PCDHA1: variants seen among roughly 807,000 people sequenced by gnomAD.
PCDHA1 encodes protocadherin alpha 1.
PCDHA1 carries 42 observed loss-of-function variants against 61.3 expected under a neutral mutation model. The ratio of observed to expected loss-of-function variants is 0.69; its 90% CI spans 0.54 to 0.89. The LOEUF (loss-of-function observed/expected upper bound fraction) is 0.89. PCDHA1 is among the 40% of genes least tolerant of loss of function. The pLI is 0.00. For synonymous variants in PCDHA1, 610 were observed against 553.8 expected, an observed-to-expected ratio of 1.10 and a Z score of -1.43; for missense variants, 1,256 against 1,235.3, an observed-to-expected ratio of 1.02 and a Z score of -0.25.
At chr5:140,823,940 G>A in intron 1 of PCDHA1, 1 of 1,613,966 alleles carries the variant, frequency 6.2e-7, no homozygotes, top group South Asian at 1.1e-5. Flanking sequence ...GCGCTGCGGT[G>A]CTCGGCGCAG....
chr5:140,844,298 GT>G (rs141549111), intron 1 of PCDHA1, among the ~76,000 whole-genome samples: 3,056 of 149,412 alleles, frequency 0.02, 290 homozygotes, highest in Non-Finnish European at 0.031. Flanking sequence ...AAATTTGATA[GT>G]TTTCATATTC....
intron 1 of PCDHA1, among the ~76,000 whole-genome samples, chr5:140,904,545 C>A (rs2071206893): frequency 6.6e-6 from 1 of 151,876 alleles, no homozygotes; most frequent in Admixed American, 6.6e-5. Context: ...GTATCTTTTT[C>A]ATATAATGAC....
At chr5:140,863,278 G>A (rs1554158055) in intron 1 of PCDHA1, 3 of 1,461,976 alleles carry the variant, frequency 2.1e-6, no homozygotes, top group South Asian at 1.1e-5. Flanking sequence ...GCTGGTGGAT[G>A]TCAACGTGTA....
intron 1 of PCDHA1, chr5:140,825,625 T>C (rs1768653929): frequency 6.6e-6 from 1 of 151,914 alleles, no homozygotes; most frequent in Admixed American, 6.6e-5. Context: ...TTTCACCATG[T>C]TGGTCATGGT....
At position 140,841,172 on chromosome 5, in the gene PCDHA1, G is replaced by A. The variant is rs1479528874; in HGVS notation, c.2394+52488G>A. 5 of 1,035,814 alleles carry A rather than the reference G, an allele frequency of 4.8e-6. No homozygotes were observed. The African/African-American group carries it at 6.5e-5, about 13-fold the overall frequency. The allele number at this position is 1,035,814 out of a possible 1,614,324, so 64.2% of individuals were successfully genotyped here. A position where few individuals can be genotyped will look rare whatever the true frequency, so the allele number is the denominator to read the frequency against. On this transcript the variant is annotated intron_variant, in intron 1 of 3. Coordinates refer to ENST00000504120, the MANE Select transcript of PCDHA1 (RefSeq NM_018900.4). ...GCTGTCTACCAAGAAGTTCTGGTTG[G>A]TCAATGTTCAAAGTCTTTTCTCTGA...
intron 1 of PCDHA1, chr5:140,809,716 AT>A (rs1764530586): frequency 1.1e-6 from 1 of 933,822 alleles, no homozygotes; most frequent in Non-Finnish European, 1.6e-6. Context: ...GTCTTTTGGA[AT>A]TATAGGACAT....
chr5:140,829,850 G>A lies in PCDHA1; in HGVS notation c.2394+41166G>A, dbSNP rs2150176135. 3.1e-5 allele frequency: 50 copies of A among 1,613,836 alleles called. No homozygotes were observed. Among genetic ancestry groups the A allele is most frequent in the Non-Finnish European group, 4.2e-5 (50 of 1,179,896 alleles). The stretch of plus-strand genomic sequence containing the variant: ...CGAGCTGGTGCCGCGGTCACTGGGT[G>A]CAGGCCAAGTGGTGGCGAAGGTGCG... On this transcript the variant is annotated intron_variant, in intron 1 of 3. Transcript: ENST00000504120.
At chr5:140,973,449 C>CT (rs2096588066) in intron 1 of PCDHA1, among the ~76,000 whole-genome samples, 1 of 152,188 alleles carries the variant, frequency 6.6e-6, no homozygotes, top group African/African-American at 2.4e-5. Flanking sequence ...TTTATAATGA[C>CT]TGGGGCTGTT....
At chr5:140,927,378 C>T in intron 1 of PCDHA1, 3 of 1,614,110 alleles carry the variant, frequency 1.9e-6, no homozygotes, top group Non-Finnish European at 2.5e-6. Flanking sequence ...TAAGCTACAG[C>T]CTAAGCCCCA....
At chr5:140,981,049 T>C (rs2096916420) in intron 2 of PCDHA1, among the ~76,000 whole-genome samples, 1 of 152,158 alleles carries the variant, frequency 6.6e-6, no homozygotes. Context: ...AAACAGATAA[T>C]TCTAGAGTGT....
intron 3 of PCDHA1, among the ~76,000 whole-genome samples, chr5:141,007,668 G>C (rs556655396): frequency 6.6e-6 from 1 of 152,262 alleles, no homozygotes; most frequent in East Asian, 1.9e-4. Context: ...AATTTACAAA[G>C]ACAAAAGTTA....
At position 140,960,349 on chromosome 5, in the gene PCDHA1, A is replaced by T. The variant is rs936485666; in HGVS notation, c.2395-18600A>T. Among the ~76,000 whole-genome samples, 8 of 152,238 alleles carry T rather than the reference A, an allele frequency of 5.3e-5. No homozygotes were observed. The East Asian group carries it at 1.3e-3, about 26-fold the overall frequency. ...GAGAAGTACATGAGGTGAGATATGTACTGAAATAATATGCCAACTCTTAAG... is the reference window on the plus strand; with the variant it reads ...GAGAAGTACATGAGGTGAGATATGTTCTGAAATAATATGCCAACTCTTAAG... On this transcript the variant is annotated intron_variant, in intron 1 of 3. Coordinates refer to ENST00000504120, the MANE Select transcript of PCDHA1 (RefSeq NM_018900.4).
intron 1 of PCDHA1, chr5:140,794,742 C>G: frequency 4.0e-6 from 2 of 504,352 alleles, no homozygotes; most frequent in Non-Finnish European, 6.8e-6. Context: ...AGAAAATCGA[C>G]TAGTTTTAAA....
At chr5:141,003,663 A>G (rs1298864445) in intron 3 of PCDHA1, among the ~76,000 whole-genome samples, 4 of 152,204 alleles carry the variant, frequency 2.6e-5, no homozygotes, top group Non-Finnish European at 5.9e-5. Flanking sequence ...CATTTATTAA[A>G]ATATATGTTG....
rs575540619 is a variant in PCDHA1 at position 140,959,917 on chromosome 5, T to A, written c.2395-19032T>A. ...TTTATATCAGAAAAATCAAAGCCATTTGTAAAGCCCCATTACTTAGGCAGA... is the reference window on the plus strand; with the variant it reads ...TTTATATCAGAAAAATCAAAGCCATATGTAAAGCCCCATTACTTAGGCAGA... On this transcript the variant is annotated intron_variant, in intron 1 of 3. Transcript: ENST00000504120. 3.3e-5 allele frequency among the ~76,000 whole-genome samples: 5 copies of A among 152,296 alleles called. No homozygotes were observed. The East Asian group carries it at 9.6e-4, about 29-fold the overall frequency.
intron 1 of PCDHA1, chr5:140,884,087 CT>C (rs782425411): frequency 6.2e-7 from 1 of 1,613,564 alleles, no homozygotes; most frequent in South Asian, 1.1e-5. Context: ...CAATGCGTGG[CT>C]TTCGTATGAA....
intron 1 of PCDHA1, chr5:140,927,194 T>C (rs2083959275): frequency 1.2e-6 from 2 of 1,614,122 alleles, no homozygotes; most frequent in Non-Finnish European, 1.7e-6. Context: ...GACCTGGTGC[T>C]CGAGGACCCG....
In PCDHA1 at chr5:140,838,075, ATAGTGTGTGTGTGTGTGT is replaced by A. The variant is rs1389630911; in HGVS notation, c.2394+49392_2394+49409del. ...GTTTTCCACTTTAAGTTATATATAT[ATAGTGTGTGTGTGTGTGT>A]GTGTGTGTGTGTGTGTGTGTGTGTG... On this transcript the variant is annotated intron_variant, in intron 1 of 3. Coordinates refer to ENST00000504120, the MANE Select transcript of PCDHA1 (RefSeq NM_018900.4). Among the ~76,000 whole-genome samples the A allele has an allele frequency of 3.2e-3, 416 of 128,230 alleles. 8 individuals are homozygous for A. The highest frequency in any genetic ancestry group is 9.2e-3 in the African/African-American group (302 of 32,656). The allele number at this position is 128,230 out of a possible 152,430, so 84.1% of individuals were successfully genotyped here.
At chr5:140,834,515 C>T in intron 1 of PCDHA1, 1 of 1,614,100 alleles carries the variant, frequency 6.2e-7, no homozygotes, top group East Asian at 2.2e-5. Context: ...ATGGCAACTT[C>T]GTGGGCCGCA....
Sources: allele counts gnomAD v4.1 joint callset (sites outside exome capture counted in the v4.1 genomes callset), GRCh38; gene constraint gnomAD v4.1.1; transcripts MANE v1.5; gene names NCBI Gene and HGNC (gene_info 2026-07-23, HGNC 2026-07-21).